PLB1: variants seen among roughly 807,000 people sequenced by gnomAD.
PLB1 encodes phospholipase B1, membrane-associated.
In PLB1, 242 loss-of-function variants were observed where a neutral mutation model predicts 227.4. That is an observed-to-expected ratio of 1.06 (90% CI 0.96 to 1.18). PLB1 has a LOEUF of 1.18. Among genes scored for constraint, PLB1 ranks in the 50% most tolerant of loss-of-function variants. PLB1 has a pLI of 0.00. For synonymous variants in PLB1, 757 were observed against 682.2 expected (o/e 1.11, Z -1.71); for missense variants, 1,858 against 1,816.3 (o/e 1.02, Z -0.42).
intron 50 of PLB1, 53 bp from the exon 51 acceptor site, chr2:28,626,374 CA>C: frequency 1.3e-6 from 2 of 1,505,090 alleles, no homozygotes; most frequent in Non-Finnish European, 1.8e-6. Flanking sequence ...CCAGTAGCAA[CA>C]TTTGTATGTG....
chr2:28,503,936 G>A (rs13422027), intron 1 of PLB1, among the ~76,000 whole-genome samples: 65,224 of 152,052 alleles, frequency 0.43, 16,079 homozygotes, highest in Middle Eastern at 0.64. Context: ...AGGATGAGAC[G>A]AAATGCTGTG....
intron 6 of PLB1, among the ~76,000 whole-genome samples, chr2:28,527,392 G>T (rs1670413063): frequency 6.6e-6 from 1 of 152,188 alleles, no homozygotes; most frequent in Non-Finnish European, 1.5e-5. Context: ...AGCTCAGCTG[G>T]GTGGCTGAGC....
chr2:28,517,870 C>CTTTT (rs751699033), intron 2 of PLB1, among the ~76,000 whole-genome samples: 6 of 133,842 alleles, frequency 4.5e-5, no homozygotes, highest in South Asian at 2.5e-4. Context: ...AGAACTTTCT[C>CTTTT]TTTTTTTTTT....
At chr2:28,529,485 G>T in intron 7 of PLB1, 78 bp downstream of exon 7, 1 of 1,263,920 alleles carries the variant, frequency 7.9e-7, no homozygotes. Flanking sequence ...GATTTGGGGG[G>T]CTGGCAAAGT....
At chr2:28,570,842 T>G (rs573817608) in intron 20 of PLB1, among the ~76,000 whole-genome samples, 6 of 152,206 alleles carry the variant, frequency 3.9e-5, no homozygotes, top group African/African-American at 1.4e-4. Flanking sequence ...AATTCCTCAT[T>G]CTGATAAAGG....
intron 4 of PLB1, among the ~76,000 whole-genome samples, chr2:28,520,186 C>G (rs552457387): frequency 1.3e-5 from 2 of 151,906 alleles, no homozygotes; most frequent in Admixed American, 6.6e-5. Context: ...CCTTGGCCCC[C>G]CAAAGTGCTG....
chr2:28,579,254 C>G (rs780020186), intron 22 of PLB1, among the ~76,000 whole-genome samples: 33 of 152,174 alleles, frequency 2.2e-4, no homozygotes, highest in South Asian at 4.1e-4. Flanking sequence ...CTAGAAGATT[C>G]TGGAACAAAC....
chr2:28,535,983 G>A (rs1278892327), intron 9 of PLB1, among the ~76,000 whole-genome samples: 1 of 152,102 alleles, frequency 6.6e-6, no homozygotes, highest in African/African-American at 2.4e-5. Context: ...AGATCCCTCT[G>A]TGGGCATATG....
intron 1 of PLB1, 145 bp downstream of exon 1, chr2:28,496,314 T>C: frequency 2.3e-6 from 2 of 864,362 alleles, no homozygotes; most frequent in South Asian, 3.5e-5. Context: ...AGAAGTCTGG[T>C]TTGCCTCCTG....
chr2:28,537,029 AAG>A (rs1671779665), intron 9 of PLB1, among the ~76,000 whole-genome samples: 1 of 152,146 alleles, frequency 6.6e-6, no homozygotes, highest in African/African-American at 2.4e-5. Context: ...CTCTTCAGGA[AAG>A]AGAGGGTGAT....
intron 20 of PLB1, among the ~76,000 whole-genome samples, chr2:28,570,937 A>G (rs1304471592): frequency 6.6e-6 from 1 of 152,220 alleles, no homozygotes; most frequent in Admixed American, 6.5e-5. Flanking sequence ...CAGGAGTAAG[A>G]CAAGGATGCA....
rs988609309 is a variant in PLB1 at position 28,628,615 on chromosome 2, T to A, written c.3713T>A (p.Ile1238Asn). Residue 1238 changes from isoleucine (I) to asparagine (N), a missense_variant, in exon 52 of 58, where the codon ATC becomes AAC. By Grantham distance (149) the Ile-to-Asn change is moderately radical. Coordinates refer to ENST00000327757, the MANE Select transcript of PLB1 (RefSeq NM_153021.5). ...CAGCACATCCAACAGGCCCTGGACA[T>A]CCTCTCTGAGGAGGTAGGAGAGGGG... The part of the protein sequence containing the change: ...YVQHIQQALD[I>N]LSEELPRAFV... 6.2e-7 allele frequency: 1 copy of A among 1,614,108 alleles called. No individual in the cohort carries two copies. Among genetic ancestry groups the A allele is most frequent in the African/African-American group, 1.3e-5 (1 of 75,020 alleles).
chr2:28,632,870 T>TGCTGGGAGAGTGAGTGGGGCTCAGGTAG, intron 55 of PLB1, 74 bp from the exon 56 acceptor site: 1 of 1,107,270 alleles, frequency 9.0e-7, no homozygotes, highest in Non-Finnish European at 1.4e-6. Context: ...CCAGGGCACC[T>TGCTGGGAGAGTGAGTGGGGCTCAGGTAG]GCTGGGAGAG....
In PLB1 at chr2:28,581,500, AAT is replaced by A. The variant is rs1267420676; in HGVS notation, c.1567-566_1567-565del. On this transcript the variant is annotated intron_variant, in intron 23 of 57. Coordinates refer to ENST00000327757, the MANE Select transcript of PLB1 (RefSeq NM_153021.5). ...CTCCACGCAAAAAAATAAATAAATA[AAT>A]AAATAAATAAATAAATAAATAAATA... Among the ~76,000 whole-genome samples, 325 of 118,966 alleles carry A rather than the reference AAT, an allele frequency of 2.7e-3. 5 individuals are homozygous for A. Among genetic ancestry groups the A allele is most frequent in the Middle Eastern group, 8.5e-3 (2 of 236 alleles). 78.0% of individuals were successfully genotyped at this position (118,966 alleles called of 152,430 possible).
At chr2:28,538,137 A>AC (rs1193782282) in intron 9 of PLB1, 182 bp from the exon 10 acceptor site, 1 of 776,218 alleles carries the variant, frequency 1.3e-6, no homozygotes, top group Admixed American at 2.1e-5. Context: ...AAATAGAAGA[A>AC]CAAAATGAAG....
intron 1 of PLB1, among the ~76,000 whole-genome samples, chr2:28,516,475 C>A (rs761636892): frequency 6.6e-6 from 1 of 152,184 alleles, no homozygotes; most frequent in African/African-American, 2.4e-5. Flanking sequence ...CTGACATTAC[C>A]TTCTTTGTGG....
rs1272818311 is a variant in PLB1, at chr2:28,630,679, C to A, written c.3897+15C>A. On this transcript the variant is annotated intron_variant, in intron 54 of 57. Coordinates refer to ENST00000327757, the MANE Select transcript of PLB1 (RefSeq NM_153021.5). ...GGAACCTCCAGGTAAGCCCTGCAGC[C>A]CTTCTCTTACTGACCCAGCTGGGGG... 10 of 1,602,402 alleles carry A rather than the reference C, an allele frequency of 6.2e-6. No homozygotes were observed. The highest frequency in any genetic ancestry group is 7.7e-6 in the Non-Finnish European group (9 of 1,173,814).
In PLB1 at chr2:28,514,057, A is replaced by G. The variant is rs190680515; in HGVS notation, c.56-2751A>G. ...TATTTAATTCATTTTTTAAAACTTA[A>G]TAGTAGAGTGCTGAGTATATTAGCT... On this transcript the variant is annotated intron_variant, in intron 1 of 57. Transcript: ENST00000327757. Among the ~76,000 whole-genome samples, 11 of 152,356 alleles carry G rather than the reference A, an allele frequency of 7.2e-5. No individual in the cohort carries two copies. In the East Asian group the frequency reaches 1.9e-3, roughly 27 times the overall value.
chr2:28,579,495 A>G (rs1679550076), intron 22 of PLB1, 132 bp from the exon 23 acceptor site: 1 of 646,754 alleles, frequency 1.5e-6, no homozygotes. Context: ...AAAGCAAGGA[A>G]CAGAAAATTC....
Sources: allele counts gnomAD v4.1 joint callset (sites outside exome capture counted in the v4.1 genomes callset), GRCh38; gene constraint gnomAD v4.1.1; transcripts MANE v1.5; gene names NCBI Gene and HGNC (gene_info 2026-07-23, HGNC 2026-07-21).